ZNF568: variants seen among roughly 807,000 people sequenced by gnomAD.
ZNF568 encodes the protein zinc finger protein 568.
ZNF568 carries 11 observed loss-of-function variants against 18.1 expected under a neutral mutation model. The ratio of observed to expected loss-of-function variants is 0.61; its 90% CI spans 0.38 to 1.00. The LOEUF (loss-of-function observed/expected upper bound fraction) is 1.00, where lower values mean the gene tolerates loss of function less well. ZNF568 is among the 50% of genes least tolerant of loss of function. The probability of loss-of-function intolerance (pLI) is 0.01; values close to 1 mark genes in which losing one functional copy is unlikely to be tolerated. For missense variants in ZNF568, 639 were observed against 768.2 expected (o/e 0.83, Z 1.99); for synonymous variants, 213 against 246.6 (o/e 0.86, Z 1.28).
intron 6 of ZNF568, chr19:36,973,216 T>C (rs975862474): frequency 8.5e-5 from 13 of 152,536 alleles, no homozygotes; most frequent in Admixed American, 1.3e-4. Flanking sequence ...TGGCGGGTGT[T>C]GGAAAGCAAA....
intron 6 of ZNF568, among the ~76,000 whole-genome samples, chr19:36,961,971 TG>T (rs761573029): frequency 1.3e-5 from 2 of 148,548 alleles, no homozygotes; most frequent in African/African-American, 2.5e-5. Flanking sequence ...GCCTGGGTAA[TG>T]TTTTTTTTAT....
At chr19:36,924,983 G>GA (rs2073527884) in intron 3 of ZNF568, among the ~76,000 whole-genome samples, 1 of 152,090 alleles carries the variant, frequency 6.6e-6, no homozygotes, top group Non-Finnish European at 1.5e-5. Context: ...ATTGGGCACT[G>GA]CATACTTAGC....
chr19:36,984,198 G>A (rs943830278), downstream of ZNF568, among the ~76,000 whole-genome samples: 2 of 152,004 alleles, frequency 1.3e-5, no homozygotes, highest in South Asian at 2.1e-4. Flanking sequence ...CGCACCTGGC[G>A]ACCAGCTTTG....
chr19:36,952,663 C>T lies in ZNF568; in HGVS notation c.*1575C>T, dbSNP rs936136509. The T allele has an allele frequency of 7.0e-5, 29 of 412,958 alleles. 1 individual carries two copies. In the Middle Eastern group the frequency reaches 3.7e-3, roughly 53 times the overall value. 25.6% of individuals were successfully genotyped at this position (412,958 alleles called of 1,614,324 possible). On this transcript the variant is annotated 3_prime_UTR_variant, in exon 7 of 7. Coordinates refer to ENST00000333987, the MANE Select transcript of ZNF568 (RefSeq NM_198539.4). ...TGATTAAAAGGAGACTTTAGCTTTG[C>T]TTGTAGTTTTTATACCTTAAAAAGA...
exon 3 of ZNF568, chr19:36,991,264 T>G: frequency 6.5e-7 from 1 of 1,535,714 alleles, no homozygotes; most frequent in Non-Finnish European, 8.7e-7. Flanking sequence ...TACCGAGATG[T>G]AATGTTGGAA....
chr19:36,947,964 T>G lies in ZNF568; in HGVS notation c.359-1548T>G, dbSNP rs370668124. 6.6e-5 allele frequency among the ~76,000 whole-genome samples: 10 copies of G among 152,348 alleles called. No homozygotes were observed. In the South Asian group the frequency reaches 1.4e-3, roughly 22 times the overall value. On this transcript the variant is annotated intron_variant, in intron 6 of 6. Coordinates refer to ENST00000333987, the MANE Select transcript of ZNF568 (RefSeq NM_198539.4). ...GTATATTTGTTACCATCAATGAACC[T>G]TCATTACTGTTATTATTATACACAT...
exon 5 of ZNF568, chr19:36,997,201 G>A: frequency 6.2e-7 from 1 of 1,607,832 alleles, no homozygotes; most frequent in Non-Finnish European, 8.5e-7. Flanking sequence ...TCATACTGGT[G>A]AGAAACCCCA....
intron 7 of ZNF568, chr19:36,974,511 C>T: frequency 4.6e-6 from 7 of 1,509,870 alleles, no homozygotes; most frequent in Non-Finnish European, 6.2e-6. Context: ...TACTGGTTTT[C>T]AGGACAGTGT....
intron 6 of ZNF568, among the ~76,000 whole-genome samples, chr19:36,964,757 A>G (rs964874213): frequency 2.6e-5 from 4 of 152,134 alleles, no homozygotes; most frequent in African/African-American, 9.7e-5. Context: ...TGGGGCTGCA[A>G]TGAGCCATGA....
intron 2 of ZNF568, among the ~76,000 whole-genome samples, 193 bp downstream of exon 2, chr19:36,917,841 A>C (rs1445422327): frequency 2.0e-5 from 3 of 152,234 alleles, no homozygotes; most frequent in Non-Finnish European, 4.4e-5. Flanking sequence ...CATGCTTAAC[A>C]AAACTCAACC....
At chr19:36,956,831 C>G (rs549493447), downstream of ZNF568, among the ~76,000 whole-genome samples, 1 of 152,154 alleles carries the variant, frequency 6.6e-6, no homozygotes, top group East Asian at 1.9e-4. Flanking sequence ...CTCCTGGCCT[C>G]AAGTGATCTG....
Position 36,937,204 on chromosome 19 carries a change from G to C in ZNF568, c.320G>C (p.Trp107Ser), listed in dbSNP as rs748314622. Residue 107 changes from tryptophan (W) to serine (S), a missense_variant, in exon 6 of 7, where the codon TGG (tryptophan) becomes TCG (serine). Transcript: ENST00000333987. ...IFKLEQEEEP[W>S]VMEEEMFGRH... ...AAGTTGGAGCAAGAAGAGGAGCCCT[G>C]GGTGATGGAGGAAGAAATGTTTGGG... 6 of 1,614,010 alleles carry C rather than the reference G, an allele frequency of 3.7e-6. No individual in the cohort carries two copies. In the South Asian group the frequency reaches 6.6e-5, roughly 18 times the overall value.
downstream of ZNF568, among the ~76,000 whole-genome samples, chr19:36,957,274 C>T (rs577438619): frequency 7.4e-6 from 1 of 135,098 alleles, no homozygotes; most frequent in African/African-American, 2.8e-5. Flanking sequence ...CTCTGTCGCC[C>T]AGGCTGGAGT....
chr19:36,991,418 G>A, intron 3 of ZNF568: 3 of 1,293,906 alleles, frequency 2.3e-6, no homozygotes, highest in East Asian at 2.6e-5. Flanking sequence ...ACCTGGATGA[G>A]TTAATGTTTC....
downstream of ZNF568, among the ~76,000 whole-genome samples, chr19:36,954,372 T>C (rs1206679159): frequency 1.3e-5 from 2 of 152,208 alleles, no homozygotes; most frequent in African/African-American, 2.4e-5. Flanking sequence ...AGTACAACCA[T>C]GACTATCAGT....
At chr19:36,954,204 G>A (rs1336313246), downstream of ZNF568, among the ~76,000 whole-genome samples, 2 of 152,116 alleles carry the variant, frequency 1.3e-5, no homozygotes, top group Non-Finnish European at 2.9e-5. Flanking sequence ...CAGCCTGGGC[G>A]ACACAGCAAG....
In ZNF568 at chr19:36,950,192, CAAAA is replaced by C. The variant is rs1277624799; in HGVS notation, c.1040_1043del (p.Gln347LeufsTer34). 6.2e-7 allele frequency: 1 copy of C among 1,612,302 alleles called. No individual in the cohort carries two copies. Among genetic ancestry groups the C allele is most frequent in the African/African-American group, 1.3e-5 (1 of 74,526 alleles). On this transcript the variant is annotated frameshift_variant, in exon 7 of 7. Transcript: ENST00000333987. LOFTEE classifies it low-confidence loss of function (END_TRUNC). ...ATGTGGGAAATCCTTCAGCCAGAAG[CAAAA>C]TCTTATTGAGCACGAGAAAATTCAT...
At position 36,952,600 on chromosome 19, in the gene ZNF568, T is replaced by C. The variant is rs114023488; in HGVS notation, c.*1512T>C. The C allele has an allele frequency of 0.013, 2,083 of 163,320 alleles. 57 individuals carry two copies. The highest frequency in any genetic ancestry group is 0.047 in the African/African-American group (1,971 of 41,744). The allele number at this position is 163,320 out of a possible 1,614,324, so 10.1% of individuals were successfully genotyped here. On this transcript the variant is annotated 3_prime_UTR_variant, in exon 7 of 7. Coordinates refer to ENST00000333987, the MANE Select transcript of ZNF568 (RefSeq NM_198539.4). ...GAATAGAAGGATACACACCCAATTA[T>C]TGATAGCATTGTCTCTGGAGATTGA...
chr19:36,960,099 T>C lies in ZNF568; in HGVS notation c.359-14321T>C, dbSNP rs1468143933. ...GGTACATTGTTAGAGTGTTAATTTGTAATTGTTCTACTTTTTTTTTTTTTT... is the reference window on the plus strand; with the variant it reads ...GGTACATTGTTAGAGTGTTAATTTGCAATTGTTCTACTTTTTTTTTTTTTT... On this transcript the variant is annotated intron_variant, in intron 6 of 7. Transcript: ENST00000427117. Among the ~76,000 whole-genome samples the C allele has an allele frequency of 2.0e-5, 3 of 149,634 alleles. No individual in the cohort carries two copies. The East Asian group carries it at 5.9e-4, about 29-fold the overall frequency.
Sources: allele counts gnomAD v4.1 joint callset (sites outside exome capture counted in the v4.1 genomes callset), GRCh38; gene constraint gnomAD v4.1.1; transcripts MANE v1.5; gene names NCBI Gene and HGNC (gene_info 2026-07-23, HGNC 2026-07-21).